LPCAT3: variants seen among roughly 807,000 people sequenced by gnomAD.
The protein encoded by LPCAT3 is lysophosphatidylcholine acyltransferase 3.
LPCAT3 carries 21 observed loss-of-function variants against 63.4 expected under a neutral mutation model. That is an observed-to-expected ratio of 0.33 (90% CI 0.23 to 0.48). LPCAT3 has a LOEUF of 0.48. Ranked by LOEUF, LPCAT3 falls within the 20% of genes least tolerant of loss-of-function variation. The probability of loss-of-function intolerance (pLI) is 0.99; values close to 1 mark genes in which losing one functional copy is unlikely to be tolerated. For synonymous variants in LPCAT3, 242 were observed against 227.5 expected (o/e 1.06, Z -0.58); for missense variants, 451 against 590.6 (o/e 0.76, Z 2.45).
intron 1 of LPCAT3, among the ~76,000 whole-genome samples, chr12:7,015,392 C>T (rs782091758): frequency 6.6e-6 from 1 of 152,288 alleles, no homozygotes; most frequent in South Asian, 2.1e-4. Flanking sequence ...TATCCCAGTT[C>T]CCTGAGAGAG....
At chr12:7,006,942 A>G (rs1555156887) in intron 1 of LPCAT3, among the ~76,000 whole-genome samples, 1 of 152,250 alleles carries the variant, frequency 6.6e-6, no homozygotes, top group Non-Finnish European at 1.5e-5. Context: ...ACTTCTCCTT[A>G]AAGCATATAC....
intron 1 of LPCAT3, among the ~76,000 whole-genome samples, chr12:7,004,027 C>T (rs1223161901): frequency 1.3e-5 from 2 of 151,606 alleles, no homozygotes; most frequent in Admixed American, 6.6e-5. Flanking sequence ...TCTTACTTAG[C>T]GAATCAGTGC....
intron 6 of LPCAT3, 100 bp downstream of exon 6, chr12:6,980,904 C>G: frequency 8.1e-7 from 1 of 1,233,224 alleles, no homozygotes; most frequent in Middle Eastern, 2.9e-4. Flanking sequence ...TGACTCAGGT[C>G]TCTATGCCAG....
rs1565596659 is a variant in LPCAT3, at chr12:6,978,380, A to G, written c.1001T>C (p.Ile334Thr). The change falls in exon 9 of 13, where the codon ATT (isoleucine) becomes ACT (threonine). Residue 334 changes from isoleucine (I) to threonine (T), a missense_variant. By Grantham distance (89) the Ile-to-Thr change is moderately conservative. Coordinates refer to ENST00000261407, the MANE Select transcript of LPCAT3 (RefSeq NM_005768.6). ...GTTGGTGTTGATGTTGAATGAGGCA[A>G]TGGTGCCAGTGAAGCGGGGGTTTGT... ...FETNPRFTGT[I>T]ASFNINTNAW... 1.2e-6 allele frequency: 2 copies of G among 1,613,450 alleles called. No homozygotes were observed. The highest frequency in any genetic ancestry group is 1.1e-5 in the South Asian group (1 of 91,038).
At chr12:7,003,906 G>A (rs1406643704) in intron 1 of LPCAT3, among the ~76,000 whole-genome samples, 2 of 144,396 alleles carry the variant, frequency 1.4e-5, no homozygotes, top group Admixed American at 1.4e-4. Context: ...TCCGGCCTGG[G>A]CGACAGAGCG....
intron 1 of LPCAT3, among the ~76,000 whole-genome samples, chr12:7,009,960 C>A (rs1284678269): frequency 1.3e-5 from 2 of 152,136 alleles, no homozygotes; most frequent in African/African-American, 4.8e-5. Context: ...CATTGCAATT[C>A]TTTAGTAAAA....
At chr12:6,993,872 A>G (rs1372659535) in intron 1 of LPCAT3, among the ~76,000 whole-genome samples, 2 of 152,164 alleles carry the variant, frequency 1.3e-5, no homozygotes, top group Non-Finnish European at 2.9e-5. Flanking sequence ...TCAGCTTCCC[A>G]AAGTGCTAGG....
chr12:7,018,344 G>C lies in LPCAT3; in HGVS notation c.81C>G (p.Ser27Arg), dbSNP rs1555157783. The C allele has an allele frequency of 6.2e-7, 1 of 1,611,750 alleles. No homozygotes were observed. The highest frequency in any genetic ancestry group is 1.7e-5 in the Admixed American group (1 of 59,674). Residue 27 changes from serine to arginine, a missense_variant, in exon 1 of 13, where the codon AGC (serine) becomes AGG (arginine). Ser to Arg is a moderately radical substitution (Grantham distance 110, BLOSUM62 -1). This residue lies in a region of LPCAT3 where 133 missense variants were observed against 152.1 expected (regional missense o/e 0.87). Transcript: ENST00000261407. This position sits in a 1 kb window ranked among gnomAD's most constrained non-coding sequence, Gnocchi z 4.9. ...CCAGGGACGTCGCCAACTTGTTAAG[G>C]CTCAGCTCCTGGAAACCCGACTGCA... Reference protein sequence around the residue: ...GVLQSGFQELSLNKLATSLGA... With the variant: ...GVLQSGFQELRLNKLATSLGA...
At chr12:7,004,266 G>C (rs782775340) in intron 1 of LPCAT3, among the ~76,000 whole-genome samples, 1 of 152,162 alleles carries the variant, frequency 6.6e-6, no homozygotes, top group Non-Finnish European at 1.5e-5. Flanking sequence ...ATCCGGGGCA[G>C]AGAACAACAG....
intron 1 of LPCAT3, among the ~76,000 whole-genome samples, chr12:7,016,082 CTAAT>C (rs1946795727): frequency 1.3e-5 from 2 of 151,818 alleles, no homozygotes; most frequent in African/African-American, 4.8e-5. Flanking sequence ...AGTTTCCTAA[CTAAT>C]GAATGTAATA....
chr12:7,008,646 G>C (rs1284193093), intron 1 of LPCAT3, among the ~76,000 whole-genome samples: 1 of 151,996 alleles, frequency 6.6e-6, no homozygotes, highest in Non-Finnish European at 1.5e-5. Flanking sequence ...CAGCTACTCC[G>C]GAGGCTGAGG....
At chr12:6,978,720 A>G (rs1555153661) in intron 7 of LPCAT3, 31 bp from the exon 8 acceptor site, 1 of 1,611,160 alleles carries the variant, frequency 6.2e-7, no homozygotes, top group Admixed American at 1.7e-5. Flanking sequence ...TGCATTAGGG[A>G]TATCACATGA....
At position 7,017,797 on chromosome 12, in the gene LPCAT3, G is replaced by A. The variant is rs1254209773; in HGVS notation, c.151+477C>T. On this transcript the variant is annotated intron_variant, in intron 1 of 12. Coordinates refer to ENST00000261407, the MANE Select transcript of LPCAT3 (RefSeq NM_005768.6). The surrounding 1 kb of genome is among the most constrained non-coding windows in gnomAD (Gnocchi z 4.1). ...AGAGACGAAAGTATAATATAAGCTG[G>A]CAATAAGCAAAACAGGCGCTCAGAA... Among the ~76,000 whole-genome samples the A allele has an allele frequency of 6.6e-6, 1 of 152,184 alleles. No homozygotes were observed. The highest frequency in any genetic ancestry group is 1.5e-5 in the Non-Finnish European group (1 of 68,028).
At chr12:6,982,992 GTT>G in intron 2 of LPCAT3, 1 of 633,114 alleles carries the variant, frequency 1.6e-6, no homozygotes, top group Middle Eastern at 2.5e-4. Flanking sequence ...TTTTTTGTTT[GTT>G]TTTTTAGAGA....
intron 6 of LPCAT3, 136 bp from the exon 7 acceptor site, chr12:6,979,715 A>G (rs1223283967): frequency 1.3e-4 from 83 of 644,302 alleles, no homozygotes; most frequent in Non-Finnish European, 1.4e-4. Flanking sequence ...TCTGCTGCCC[A>G]AAGTGTTTCC....
At chr12:7,008,219 G>A (rs951222813) in intron 1 of LPCAT3, among the ~76,000 whole-genome samples, 1 of 152,076 alleles carries the variant, frequency 6.6e-6, no homozygotes, top group Non-Finnish European at 1.5e-5. Context: ...GATGTATACA[G>A]TATCTTCTGA....
At chr12:6,978,749 C>A in intron 7 of LPCAT3, 60 bp from the exon 8 acceptor site, 2 of 1,589,250 alleles carry the variant, frequency 1.3e-6, no homozygotes, top group Non-Finnish European at 1.7e-6. Context: ...TTTCTCTCAG[C>A]ACTCTTCCTT....
chr12:6,981,224 TCTCC>T (rs1555154027), intron 5 of LPCAT3, 42 bp from the exon 6 acceptor site: 2 of 1,528,550 alleles, frequency 1.3e-6, no homozygotes, highest in African/African-American at 2.8e-5. Context: ...TAGCCTTGAA[TCTCC>T]CCACAAGAGC....
At chr12:7,016,324 T>A (rs868992819) in intron 1 of LPCAT3, among the ~76,000 whole-genome samples, 40 of 151,626 alleles carry the variant, frequency 2.6e-4, no homozygotes, top group African/African-American at 8.7e-4. Flanking sequence ...TCACCCAGGC[T>A]GGAGTGCAGT....
Sources: gnomAD v4.1 joint callset for allele counts (sites outside exome capture counted in the v4.1 genomes callset) on GRCh38, gnomAD v4.1.1 for gene constraint, gnomAD v4.1.1 regional missense constraint, Gnocchi (gnomAD v3.1) non-coding constraint, MANE v1.5 for transcripts, NCBI Gene and HGNC (gene_info 2026-07-23, HGNC 2026-07-21) for gene names.